The following DOCK1 variants were observed in gnomAD, a reference collection of about 807,000 sequenced individuals.
DOCK1 encodes dedicator of cytokinesis protein 1.
In DOCK1, 138 loss-of-function variants were observed where a neutral mutation model predicts 262.7. The observed-to-expected ratio is 0.53, with a 90% CI of 0.46 to 0.61. DOCK1 has a LOEUF of 0.61. DOCK1 is among the 20% of genes least tolerant of loss of function. The pLI, the probability that DOCK1 is intolerant of heterozygous loss-of-function variation, is 0.00. For synonymous variants in DOCK1, 866 were observed against 867.4 expected (o/e 1.00, Z 0.03); for missense variants, 1,908 against 2,370.7 (o/e 0.80, Z 4.05).
chr10:127,429,059 G>GTGTGGATTGGGGTACCA lies in DOCK1; in HGVS notation c.4914+3062_4914+3078dup, dbSNP rs1454092666. ...GGGGTGTCATGTGGATTGGGGTGCT[G>GTGTGGATTGGGGTACCA]TGTGGATTGGGGTACCATGTGGATT... On this transcript the variant is annotated intron_variant, in intron 47 of 51. Transcript: ENST00000623213. Among the ~76,000 whole-genome samples the GTGTGGATTGGGGTACCA allele has an allele frequency of 1.5e-3, 211 of 140,172 alleles. 2 individuals are homozygous for GTGTGGATTGGGGTACCA. Among genetic ancestry groups the GTGTGGATTGGGGTACCA allele is most frequent in the African/African-American group, 5.4e-3 (202 of 37,436 alleles). 92.0% of individuals were successfully genotyped at this position (140,172 alleles called of 152,430 possible).
At chr10:127,391,205 C>T (rs924792746) in intron 38 of DOCK1, among the ~76,000 whole-genome samples, 2 of 152,198 alleles carry the variant, frequency 1.3e-5, no homozygotes, top group Non-Finnish European at 2.9e-5. Flanking sequence ...TGATCACAAG[C>T]ACCAAGATAT....
intron 29 of DOCK1, among the ~76,000 whole-genome samples, chr10:127,300,078 A>C (rs2135423734): frequency 6.6e-6 from 1 of 152,200 alleles, no homozygotes; most frequent in East Asian, 1.9e-4. Context: ...GACCCAGCAA[A>C]GGGAAGGTGA....
intron 27 of DOCK1, among the ~76,000 whole-genome samples, chr10:127,157,662 T>G (rs1474952636): frequency 6.6e-6 from 1 of 152,240 alleles, no homozygotes; most frequent in Non-Finnish European, 1.5e-5. Context: ...CTGTGGTCAT[T>G]CTTTTTTTAG....
At chr10:126,980,945 G>GTTT (rs1204873693) in intron 3 of DOCK1, among the ~76,000 whole-genome samples, 4 of 139,066 alleles carry the variant, frequency 2.9e-5, no homozygotes, top group Admixed American at 7.3e-5. Flanking sequence ...AGGACCCTAC[G>GTTT]TTTTTTTTTT....
chr10:127,335,674 A>C (rs2135703002), intron 29 of DOCK1, among the ~76,000 whole-genome samples: 1 of 149,344 alleles, frequency 6.7e-6, no homozygotes, highest in Non-Finnish European at 1.5e-5. Flanking sequence ...CAGCCTCCTG[A>C]GTAGCTGGGA....
At chr10:126,969,551 G>C (rs567348219) in intron 1 of DOCK1, among the ~76,000 whole-genome samples, 414 of 152,330 alleles carry the variant, frequency 2.7e-3, no homozygotes, top group African/African-American at 9.4e-3. Flanking sequence ...GGCTCATGCA[G>C]AACAAGAGAT....
At chr10:127,042,101 T>C (rs1198525182) in intron 19 of DOCK1, among the ~76,000 whole-genome samples, 1 of 152,214 alleles carries the variant, frequency 6.6e-6, no homozygotes, top group Non-Finnish European at 1.5e-5. Flanking sequence ...TGTTGTTGAA[T>C]AAAGTAAGCA....
At chr10:127,023,769 A>C (rs576819728) in intron 14 of DOCK1, among the ~76,000 whole-genome samples, 1 of 151,902 alleles carries the variant, frequency 6.6e-6, no homozygotes, top group African/African-American at 2.4e-5. Flanking sequence ...CCTTTGCCCA[A>C]CCTTATCGTG....
chr10:127,020,010 A>G (rs2042300030), intron 13 of DOCK1, among the ~76,000 whole-genome samples: 1 of 151,594 alleles, frequency 6.6e-6, no homozygotes, highest in South Asian at 2.1e-4. Context: ...CATTCTTTCT[A>G]CTCCTTTTGT....
intron 29 of DOCK1, among the ~76,000 whole-genome samples, chr10:127,295,693 A>G (rs1050920303): frequency 6.6e-6 from 1 of 152,078 alleles, no homozygotes; most frequent in Non-Finnish European, 1.5e-5. Context: ...TAAAAAAAAA[A>G]AAAGAACTGT....
intron 27 of DOCK1, among the ~76,000 whole-genome samples, chr10:127,132,397 G>A (rs534268909): frequency 1.3e-5 from 2 of 152,262 alleles, no homozygotes; most frequent in South Asian, 4.1e-4. Context: ...AGACAGAAGC[G>A]TTGCAATAAC....
chr10:127,024,498 CAG>C (rs1049490581), intron 14 of DOCK1, among the ~76,000 whole-genome samples, 185 bp from the exon 15 acceptor site: 3 of 152,162 alleles, frequency 2.0e-5, no homozygotes, highest in African/African-American at 4.8e-5. Flanking sequence ...TGTGTGAGAA[CAG>C]GGGTTGGAGC....
intron 51 of DOCK1, among the ~76,000 whole-genome samples, chr10:127,450,630 A>T (rs796484783): frequency 2.3e-4 from 35 of 152,364 alleles, no homozygotes; most frequent in African/African-American, 8.4e-4. Flanking sequence ...AATAGGGTGC[A>T]GCTGCCCTCA....
At chr10:127,284,730 T>G (rs1378217900) in intron 29 of DOCK1, among the ~76,000 whole-genome samples, 1 of 151,068 alleles carries the variant, frequency 6.6e-6, no homozygotes, top group Non-Finnish European at 1.5e-5. Flanking sequence ...CCAGCCAGGG[T>G]GAAAAAGTCA....
At chr10:127,184,784 C>T (rs1240589618) in intron 27 of DOCK1, among the ~76,000 whole-genome samples, 2 of 152,160 alleles carry the variant, frequency 1.3e-5, no homozygotes, top group East Asian at 3.9e-4. Flanking sequence ...GCGCCCTGGT[C>T]CTCCTTCCTC....
At chr10:127,043,919 G>A (rs562017233) in intron 21 of DOCK1, among the ~76,000 whole-genome samples, 6 of 152,250 alleles carry the variant, frequency 3.9e-5, no homozygotes, top group South Asian at 4.2e-4. Flanking sequence ...AAGTTATTAC[G>A]TGTAGAGTGC....
Position 127,260,876 on chromosome 10 carries a change from T to G in DOCK1, c.3044+3447T>G, listed in dbSNP as rs1232668991. On this transcript the variant is annotated intron_variant, in intron 29 of 51. Coordinates refer to ENST00000623213, the MANE Select transcript of DOCK1 (RefSeq NM_001290223.2). ...GTGCTCATCTGTGTGTGTGCATGTG[T>G]GTGTGTGTGTACCCGTGCTCATCTG... 2.6e-3 allele frequency among the ~76,000 whole-genome samples: 357 copies of G among 139,082 alleles called. 7 individuals are homozygous for G. Among genetic ancestry groups the G allele is most frequent in the Middle Eastern group, 4.4e-3 (1 of 226 alleles). The allele number at this position is 139,082 out of a possible 152,430, so 91.2% of individuals were successfully genotyped here.
chr10:127,349,025 A>C (rs1565013544), intron 31 of DOCK1, among the ~76,000 whole-genome samples: 1 of 152,160 alleles, frequency 6.6e-6, no homozygotes, highest in Non-Finnish European at 1.5e-5. Flanking sequence ...TGCCAACTTC[A>C]AGTCAGAAAA....
At chr10:126,935,664 A>G (rs940969783) in intron 1 of DOCK1, among the ~76,000 whole-genome samples, 2 of 152,026 alleles carry the variant, frequency 1.3e-5, no homozygotes, top group African/African-American at 4.8e-5. Context: ...ACTTCTCTCT[A>G]TCCCTTGGAT....
Sources: gnomAD v4.1 joint callset for allele counts (sites outside exome capture counted in the v4.1 genomes callset) on GRCh38, gnomAD v4.1.1 for gene constraint, MANE v1.5 for transcripts, NCBI Gene and HGNC (gene_info 2026-07-23, HGNC 2026-07-21) for gene names.